Variants in SIK3 observed in about 807,000 individuals in gnomAD.
SIK3 encodes the protein serine/threonine-protein kinase SIK3.
A neutral mutation model predicts 144.2 loss-of-function variants in SIK3; 28 were observed. That is an observed-to-expected ratio of 0.19 (90% confidence interval 0.14 to 0.27). The LOEUF is 0.27. Ranked by LOEUF, SIK3 falls within the 10% of genes least tolerant of loss-of-function variation. The probability of loss-of-function intolerance (pLI) is 1.00; values close to 1 mark genes in which losing one functional copy is unlikely to be tolerated. For missense variants in SIK3, 1,319 were observed against 1,776.0 expected, an observed-to-expected ratio of 0.74 and a Z score of 4.62; for synonymous variants, 686 against 676.3, an observed-to-expected ratio of 1.01 and a Z score of -0.22.
At chr11:116,917,876 A>AAGGAAAGGAAAGGAAAGGG (rs1351722137) in intron 4 of SIK3, among the ~76,000 whole-genome samples, 1 of 46,546 alleles carries the variant, frequency 2.1e-5, no homozygotes, top group African/African-American at 1.2e-4. Context: ...GAAAGGGAGA[A>AAGGAAAGGAAAGGAAAGGG]ACAAACAAAC....
chr11:116,945,979 T>A (rs1471575673), intron 3 of SIK3, among the ~76,000 whole-genome samples: 1 of 152,200 alleles, frequency 6.6e-6, no homozygotes, highest in Non-Finnish European at 1.5e-5. Context: ...ATGAAAAGCA[T>A]GAAACATCTT....
intron 4 of SIK3, among the ~76,000 whole-genome samples, chr11:116,898,340 T>C (rs1185452014): frequency 6.6e-6 from 1 of 152,174 alleles, no homozygotes; most frequent in Non-Finnish European, 1.5e-5. Context: ...TTCCATGGTG[T>C]ATATGTGACA....
intron 1 of SIK3, among the ~76,000 whole-genome samples, chr11:117,070,999 G>A (rs191067200): frequency 6.6e-6 from 1 of 152,070 alleles, no homozygotes; most frequent in East Asian, 1.9e-4. Context: ...AAAGTGCTGA[G>A]ATTACAAGCG....
At chr11:117,035,954 A>G (rs973725967) in intron 1 of SIK3, 6 of 1,584,158 alleles carry the variant, frequency 3.8e-6, no homozygotes, top group Admixed American at 3.3e-5. Context: ...TTTCACATCC[A>G]TGAAGCAGGA....
intron 20 of SIK3, 110 bp downstream of exon 20, chr11:116,859,155 C>G: frequency 2.0e-6 from 2 of 993,702 alleles, no homozygotes; most frequent in Non-Finnish European, 2.9e-6. Context: ...AACAAGAGCA[C>G]AGCCTAGTCA....
chr11:117,048,685 A>G (rs1953079946), intron 1 of SIK3, among the ~76,000 whole-genome samples: 2 of 152,140 alleles, frequency 1.3e-5, no homozygotes, highest in Non-Finnish European at 2.9e-5. Flanking sequence ...TTAATTCATT[A>G]TTAAACCAAC....
intron 1 of SIK3, among the ~76,000 whole-genome samples, chr11:117,017,424 T>C (rs1951584277): frequency 6.6e-6 from 1 of 151,820 alleles, no homozygotes; most frequent in African/African-American, 2.4e-5. Flanking sequence ...AAGCTGTGTA[T>C]TTTATTATAC....
At chr11:116,905,848 T>C (rs1223486445) in intron 4 of SIK3, among the ~76,000 whole-genome samples, 1 of 152,254 alleles carries the variant, frequency 6.6e-6, no homozygotes, top group Non-Finnish European at 1.5e-5. Context: ...TCTTTATACA[T>C]TCTGGATACA....
chr11:117,030,609 G>T (rs746522637), intron 1 of SIK3, among the ~76,000 whole-genome samples: 5 of 152,052 alleles, frequency 3.3e-5, no homozygotes, highest in Non-Finnish European at 5.9e-5. Flanking sequence ...ATCACATGTG[G>T]TTTTTTTCTG....
intron 1 of SIK3, among the ~76,000 whole-genome samples, chr11:116,995,581 G>A (rs575740989): frequency 1.3e-5 from 2 of 152,078 alleles, no homozygotes; most frequent in East Asian, 3.9e-4. Context: ...CTTCCTACCT[G>A]TGCAGATCTT....
At chr11:116,880,115 T>C (rs890213186) in intron 6 of SIK3, among the ~76,000 whole-genome samples, 6 of 152,078 alleles carry the variant, frequency 3.9e-5, no homozygotes, top group Non-Finnish European at 8.8e-5. Context: ...AAAACAGATT[T>C]TTTCCAAGGC....
At chr11:116,989,292 T>C (rs1003404063) in intron 1 of SIK3, among the ~76,000 whole-genome samples, 1 of 152,168 alleles carries the variant, frequency 6.6e-6, no homozygotes, top group African/African-American at 2.4e-5. Context: ...TCTTTTAAAA[T>C]GCAAAGTCAA....
At chr11:117,049,890 T>C (rs1953147716) in intron 1 of SIK3, among the ~76,000 whole-genome samples, 1 of 151,864 alleles carries the variant, frequency 6.6e-6, no homozygotes, top group South Asian at 2.1e-4. Flanking sequence ...GAGCCCAGAG[T>C]TCAAGTTTAT....
At chr11:116,986,271 G>T (rs1011119291) in intron 1 of SIK3, among the ~76,000 whole-genome samples, 5 of 152,130 alleles carry the variant, frequency 3.3e-5, no homozygotes, top group Admixed American at 2.0e-4. Context: ...TCCTAACTCT[G>T]CAACTTAGTC....
At chr11:117,075,639 T>A (rs1342695830) in intron 1 of SIK3, among the ~76,000 whole-genome samples, 2 of 150,706 alleles carry the variant, frequency 1.3e-5, no homozygotes, top group African/African-American at 4.9e-5. Flanking sequence ...CCTCCCAGGT[T>A]CACGCCATTC....
intron 1 of SIK3, among the ~76,000 whole-genome samples, chr11:117,063,099 T>A (rs1953869063): frequency 6.6e-6 from 1 of 152,218 alleles, no homozygotes; most frequent in Admixed American, 6.5e-5. Context: ...GGTTTCTTAC[T>A]CCTTGTACAA....
chr11:116,844,763 G>A lies in SIK3; in HGVS notation c.*880C>T, dbSNP rs1158874587. ...ACAATATAAAATGAGAATGAAAGAT[G>A]CCATAGAAAGCATAGTGCACTGCTG... On this transcript the variant is annotated 3_prime_UTR_variant, in exon 25 of 25. Transcript: ENST00000445177. The A allele has an allele frequency of 1.3e-5, 2 of 148,854 alleles. No homozygotes were observed. Among genetic ancestry groups the A allele is most frequent in the South Asian group, 4.2e-4 (2 of 4,742 alleles). 9.2% of individuals were successfully genotyped at this position (148,854 alleles called of 1,614,324 possible).
chr11:117,000,894 A>C (rs1259073455), intron 1 of SIK3, among the ~76,000 whole-genome samples: 1 of 152,230 alleles, frequency 6.6e-6, no homozygotes, highest in Non-Finnish European at 1.5e-5. Context: ...GCAGTTTTCC[A>C]AATGCTGCTA....
intron 1 of SIK3, among the ~76,000 whole-genome samples, chr11:117,012,520 C>T (rs1015528617): frequency 1.3e-5 from 2 of 152,186 alleles, no homozygotes; most frequent in African/African-American, 2.4e-5. Flanking sequence ...TAATGCTAAA[C>T]TGATTCATCT....
Sources: gnomAD v4.1 joint callset for allele counts (sites outside exome capture counted in the v4.1 genomes callset) on GRCh38, gnomAD v4.1.1 for gene constraint, MANE v1.5 for transcripts, NCBI Gene and HGNC (gene_info 2026-07-23, HGNC 2026-07-21) for gene names.